The following PARVB variants were observed in gnomAD, a reference collection of about 807,000 sequenced individuals.
PARVB encodes parvin beta.
A neutral mutation model predicts 47.0 loss-of-function variants in PARVB; 46 were observed. That is an observed-to-expected ratio of 0.98 (90% CI 0.77 to 1.25). PARVB has a LOEUF of 1.25. Among genes scored for constraint, PARVB ranks in the 50% most tolerant of loss-of-function variants. The probability of loss-of-function intolerance (pLI) is 0.00; values close to 1 mark genes in which losing one functional copy is unlikely to be tolerated. For synonymous variants in PARVB, 196 were observed against 196.3 expected (o/e 1.00, Z 0.01); for missense variants, 473 against 471.6 (o/e 1.00, Z -0.03).
chr22:44,060,631 G>A (rs2051401370), intron 1 of PARVB, among the ~76,000 whole-genome samples: 1 of 151,844 alleles, frequency 6.6e-6, no homozygotes, highest in South Asian at 2.1e-4. Flanking sequence ...ACAAAAGGTG[G>A]AATACACCCG....
At chr22:44,060,733 G>A (rs1384703604) in intron 1 of PARVB, among the ~76,000 whole-genome samples, 1 of 151,920 alleles carries the variant, frequency 6.6e-6, no homozygotes, top group Non-Finnish European at 1.5e-5. Flanking sequence ...CTAATCAGCC[G>A]GCTGGAGTGG....
chr22:44,005,413 G>A (rs1052991340), intron 2 of PARVB, among the ~76,000 whole-genome samples: 1 of 143,296 alleles, frequency 7.0e-6, no homozygotes, highest in African/African-American at 2.6e-5. Flanking sequence ...ACGCCTGGCC[G>A]TTTTTTTTTT....
intron 2 of PARVB, among the ~76,000 whole-genome samples, chr22:44,094,868 C>T (rs1444775466): frequency 6.6e-6 from 1 of 151,636 alleles, no homozygotes; most frequent in Non-Finnish European, 1.5e-5. Flanking sequence ...TTGTTGGAAT[C>T]GTTTCACTGG....
At chr22:44,038,573 G>A (rs766156941) in intron 1 of PARVB, among the ~76,000 whole-genome samples, 1 of 152,112 alleles carries the variant, frequency 6.6e-6, no homozygotes, top group Non-Finnish European at 1.5e-5. Context: ...TTGAAGTCAG[G>A]AGTTCAAGAC....
chr22:44,108,862 T>A (rs1217683409), intron 3 of PARVB: 1 of 152,160 alleles, frequency 6.6e-6, no homozygotes, highest in Non-Finnish European at 1.5e-5. Flanking sequence ...GATGTATACG[T>A]GCAAGTCACA....
At chr22:44,022,114 A>AT (rs1191647025), upstream of PARVB, among the ~76,000 whole-genome samples, 1 of 151,988 alleles carries the variant, frequency 6.6e-6, no homozygotes, top group Non-Finnish European at 1.5e-5. Context: ...AGATGATGAT[A>AT]TTTATCAATT....
chr22:44,124,557 T>C (rs777529715), intron 4 of PARVB, among the ~76,000 whole-genome samples: 20 of 146,198 alleles, frequency 1.4e-4, no homozygotes, highest in Non-Finnish European at 2.8e-4. Context: ...CTGGGGGCTG[T>C]CCTGGAGGGT....
chr22:44,022,053 G>A (rs1282056586), upstream of PARVB, among the ~76,000 whole-genome samples: 3 of 152,072 alleles, frequency 2.0e-5, no homozygotes, highest in African/African-American at 7.2e-5. Context: ...TTGGATTACA[G>A]CCCACTCTGG....
upstream of PARVB, among the ~76,000 whole-genome samples, chr22:44,021,435 G>A (rs2050646767): frequency 6.6e-6 from 1 of 152,148 alleles, no homozygotes; most frequent in Admixed American, 6.6e-5. Context: ...AGGTCAGAAA[G>A]AGAGAGAAAC....
rs192909953 is a variant in PARVB, at chr22:44,081,684, C to T, written c.113-12244C>T. ...CTCGTCTGTTGCTGGAAGTGAGCAG[C>T]GGGTTCCATTGCCCCCCGCCTCGGT... On this transcript the variant is annotated intron_variant, in intron 1 of 12. Transcript: ENST00000338758. 1,747 of 939,116 alleles carry T rather than the reference C, an allele frequency of 1.9e-3. 4 individuals carry two copies. The highest frequency in any genetic ancestry group is 0.015 in the African/African-American group (822 of 56,402). 58.2% of individuals were successfully genotyped at this position (939,116 alleles called of 1,614,324 possible).
At chr22:44,046,918 C>T (rs775211423) in intron 1 of PARVB, among the ~76,000 whole-genome samples, 21 of 151,722 alleles carry the variant, frequency 1.4e-4, no homozygotes, top group East Asian at 3.9e-4. Flanking sequence ...GAGGATTTAG[C>T]GGGGGCGTGC....
chr22:44,096,244 ATAAT>A (rs1440571705), intron 2 of PARVB, among the ~76,000 whole-genome samples: 2 of 152,142 alleles, frequency 1.3e-5, no homozygotes, highest in African/African-American at 4.8e-5. Flanking sequence ...ATAAAATAAA[ATAAT>A]TAGCCAGGCA....
intron 1 of PARVB, among the ~76,000 whole-genome samples, chr22:44,027,606 T>C (rs749219523): frequency 2.0e-5 from 3 of 152,094 alleles, no homozygotes; most frequent in African/African-American, 4.8e-5. Flanking sequence ...TTAAAAAATA[T>C]GTATGTGTGG....
intron 1 of PARVB, among the ~76,000 whole-genome samples, chr22:44,082,316 C>T (rs554357885): frequency 2.0e-5 from 3 of 152,158 alleles, no homozygotes; most frequent in South Asian, 4.2e-4. Flanking sequence ...ATCAGGAGTT[C>T]GAGATCCACC....
chr22:44,086,812 C>A (rs558590204), intron 1 of PARVB: 1 of 985,462 alleles, frequency 1.0e-6, no homozygotes, highest in Non-Finnish European at 1.2e-6. Flanking sequence ...AGAAACCACA[C>A]CCCTCTGAGT....
chr22:44,167,692 C>G (rs1054823883), intron 12 of PARVB, among the ~76,000 whole-genome samples: 1 of 58,984 alleles, frequency 1.7e-5, no homozygotes, highest in Non-Finnish European at 4.1e-5. Context: ...CTGACAGAGC[C>G]CCGGGTGTGT....
chr22:44,098,126 C>T (rs903860271), intron 2 of PARVB, among the ~76,000 whole-genome samples: 1 of 152,120 alleles, frequency 6.6e-6, no homozygotes, highest in African/African-American at 2.4e-5. Context: ...TAGGGCAATG[C>T]TGAGATTTTT....
In PARVB at chr22:44,026,847, G is replaced by A. The variant is rs547156809; in HGVS notation, c.112+2396G>A. 8.4e-3 allele frequency among the ~76,000 whole-genome samples: 1,268 copies of A among 150,912 alleles called. 10 individuals are homozygous for A. Among genetic ancestry groups the A allele is most frequent in the Middle Eastern group, 0.034 (10 of 294 alleles). On this transcript the variant is annotated intron_variant, in intron 1 of 12. Coordinates refer to ENST00000338758, the MANE Select transcript of PARVB (RefSeq NM_013327.5). ...CTAAGGGAGGAGGGGGAAGCTGGGGGAAGGGGCGGGCTCATCGGTGAGGTT... is the reference window on the plus strand; with the variant it reads ...CTAAGGGAGGAGGGGGAAGCTGGGGAAAGGGGCGGGCTCATCGGTGAGGTT...
chr22:44,100,153 C>T (rs1198333381), intron 3 of PARVB, 30 bp downstream of exon 3: 2 of 1,566,152 alleles, frequency 1.3e-6, no homozygotes, highest in African/African-American at 2.7e-5. Flanking sequence ...TTGGAATCTT[C>T]CTCTTAGGGC....
Sources: gnomAD v4.1 joint callset for allele counts (sites outside exome capture counted in the v4.1 genomes callset) on GRCh38, gnomAD v4.1.1 for gene constraint, MANE v1.5 for transcripts, NCBI Gene and HGNC (gene_info 2026-07-23, HGNC 2026-07-21) for gene names.